Variants in GIGYF1 observed in about 807,000 individuals in gnomAD.
The protein encoded by GIGYF1 is GRB10 interacting GYF protein 1.
In GIGYF1, 84 loss-of-function variants were observed where a neutral mutation model predicts 147.1. That is an observed-to-expected ratio of 0.57 (90% CI 0.48 to 0.68). The LOEUF (loss-of-function observed/expected upper bound fraction) is 0.68. GIGYF1 is among the 30% of genes least tolerant of loss of function. The pLI, the probability that GIGYF1 is intolerant of heterozygous loss-of-function variation, is 0.00. For synonymous variants in GIGYF1, 752 were observed against 589.5 expected (o/e 1.28, Z -3.99); for missense variants, 1,485 against 1,393.7 (o/e 1.07, Z -1.04).
intron 1 of GIGYF1, among the ~76,000 whole-genome samples, chr7:100,689,867 A>T (rs937080938): frequency 1.3e-5 from 2 of 152,196 alleles, no homozygotes; most frequent in African/African-American, 2.4e-5. Context: ...ACGCTAAGAG[A>T]AACACACCAG....
At position 100,681,657 on chromosome 7, in the gene GIGYF1, C is replaced by G. The variant is rs768819516; in HGVS notation, c.*62G>C. ...CTGCGGGGAGCCTGCAGGCTGGGAC[C>G]CTCGGTCCACGCCGCTGTGGCTGCC... is the stretch of plus-strand genomic sequence containing the variant. On this transcript the variant is annotated 3_prime_UTR_variant, in exon 27 of 27. Coordinates refer to ENST00000678049, the MANE Select transcript of GIGYF1 (RefSeq NM_001375765.1). 1.4e-5 allele frequency: 20 copies of G among 1,475,046 alleles called. No homozygotes were observed. The highest frequency in any genetic ancestry group is 1.5e-5 in the Non-Finnish European group (17 of 1,103,232). The allele number at this position is 1,475,046 out of a possible 1,614,324, so 91.4% of individuals were successfully genotyped here.
chr7:100,687,922 C>T (rs748671035), intron 5 of GIGYF1, 39 bp from the exon 6 acceptor site: 1 of 1,612,548 alleles, frequency 6.2e-7, no homozygotes, highest in East Asian at 2.2e-5. Context: ...CCACATGCTG[C>T]CAGATCCCCT....
rs1297649964 is a variant in GIGYF1 at position 100,681,370 on chromosome 7, A to AC, written c.*348_*349insG. ...ATCTTTTTTTCTTAAAAAAAAAAAAAAAACCAAAAAACAAAAACCTCTGTG... is the reference window on the plus strand; with the variant it reads ...ATCTTTTTTTCTTAAAAAAAAAAAAACAAACCAAAAAACAAAAACCTCTGTG... On this transcript the variant is annotated 3_prime_UTR_variant, in exon 27 of 27. Transcript: ENST00000678049. 9 of 189,302 alleles carry AC rather than the reference A, an allele frequency of 4.8e-5. No individual in the cohort carries two copies. Among genetic ancestry groups the AC allele is most frequent in the South Asian group, 1.9e-4 (1 of 5,158 alleles). 11.7% of individuals were successfully genotyped at this position (189,302 alleles called of 1,614,324 possible).
rs773262640 is a variant in GIGYF1, at chr7:100,684,530, C to A, written c.1549G>T (p.Gly517Cys). 5 of 1,614,048 alleles carry A rather than the reference C, an allele frequency of 3.1e-6. No individual in the cohort carries two copies. The South Asian group carries it at 4.4e-5, about 14-fold the overall frequency. ...SLLVKRGCDE[G>C]FQPLGEVIKM... ...ATCACCTCGCCCAGCGGCTGGAAGC[C>A]CTCATCGCAGCCCCGCTTCACCAGC... Residue 517 changes from glycine to cysteine, a missense_variant, in exon 16 of 27, where the codon GGC becomes TGC. By Grantham distance (159) the Gly-to-Cys change is radical. Transcript: ENST00000678049.
In GIGYF1 at chr7:100,681,895, T is replaced by G; in HGVS notation, c.3024A>C (p.Ala1008=). 1 of 1,612,026 alleles carries G rather than the reference T, an allele frequency of 6.2e-7. No homozygotes were observed. The highest frequency in any genetic ancestry group is 1.1e-5 in the South Asian group (1 of 91,086). Residue 1008 remains alanine (A), a synonymous_variant, in exon 26 of 27, where the codon GCA becomes GCC. Transcript: ENST00000678049. ...PGEGSKAKRR[A]LMLHSDPSIL... is the part of the protein sequence containing the mutation. The stretch of plus-strand genomic sequence containing the variant: ...TGCTGGGGTCTGAGTGCAGCATCAG[T>G]GCCCGCCTCTTGGCCTTGCTGCCCT...
intron 19 of GIGYF1, 85 bp downstream of exon 19, chr7:100,683,733 G>C: frequency 6.5e-7 from 1 of 1,544,788 alleles, no homozygotes; most frequent in Non-Finnish European, 8.9e-7. Flanking sequence ...ATGGCAGCTA[G>C]GGGCGTGTGG....
At position 100,684,564 on chromosome 7, in the gene GIGYF1, G is replaced by A; in HGVS notation, c.1515C>T (p.Ser505=). 3.1e-6 allele frequency: 5 copies of A among 1,614,178 alleles called. No individual in the cohort carries two copies. Among genetic ancestry groups the A allele is most frequent in the Non-Finnish European group, 4.2e-6 (5 of 1,180,036 alleles). ...MAEWFQAGYF[S]MSLLVKRGCD... is the part of the protein sequence containing the mutation. The stretch of plus-strand genomic sequence containing the variant: ...AGCCCCGCTTCACCAGCAGTGACAT[G>A]GAAAAGTAGCCGGCCTGGAACCACT... The change falls in exon 16 of 27, where the codon TCC becomes TCT. Residue 505 remains serine (S), a synonymous_variant. Coordinates refer to ENST00000678049, the MANE Select transcript of GIGYF1 (RefSeq NM_001375765.1).
chr7:100,683,718 C>A (rs530540417), intron 19 of GIGYF1, 86 bp from the exon 20 acceptor site: 5 of 1,557,628 alleles, frequency 3.2e-6, no homozygotes, highest in Non-Finnish European at 4.4e-6. Context: ...GGCTCCCCAG[C>A]CAGAATGGCA....
Position 100,681,712 on chromosome 7 carries a change from G to C in GIGYF1, c.*7C>G. On this transcript the variant is annotated 3_prime_UTR_variant, in exon 27 of 27. Coordinates refer to ENST00000678049, the MANE Select transcript of GIGYF1 (RefSeq NM_001375765.1). ...CCTACAGCCCAGGGGCTGGGGGTCC[G>C]GGCTGGTCAGTAGTCATCCACGCTC... is the stretch of plus-strand genomic sequence containing the variant. The C allele has an allele frequency of 1.3e-6, 2 of 1,554,180 alleles. No individual in the cohort carries two copies. The highest frequency in any genetic ancestry group is 1.7e-6 in the Non-Finnish European group (2 of 1,150,256).
chr7:100,687,102 T>C (rs1805430839), intron 8 of GIGYF1, 56 bp from the exon 9 acceptor site: 10 of 1,607,138 alleles, frequency 6.2e-6, no homozygotes, highest in Non-Finnish European at 8.5e-6. Context: ...TGCCACCCTG[T>C]GCAACCGCCC....
rs560710580 is a variant in GIGYF1, at chr7:100,680,891, T to A, written c.*828A>T. On this transcript the variant is annotated 3_prime_UTR_variant, in exon 27 of 27. Transcript: ENST00000678049. ...GGCTTTCAGGTTCAAACCCAGGGTG[T>A]CCCCCAAAATGGCAGCAGTGGGAGA... 6.6e-6 allele frequency: 1 copy of A among 152,572 alleles called. No homozygotes were observed. The highest frequency in any genetic ancestry group is 2.4e-5 in the African/African-American group (1 of 41,456). The allele number at this position is 152,572 out of a possible 1,614,324, so 9.5% of individuals were successfully genotyped here. A position where few individuals can be genotyped will look rare whatever the true frequency, so the allele number is the denominator to read the frequency against.
At chr7:100,690,950 G>A (rs986319924) in intron 1 of GIGYF1, among the ~76,000 whole-genome samples, 2 of 151,910 alleles carry the variant, frequency 1.3e-5, no homozygotes, top group Non-Finnish European at 2.9e-5. Flanking sequence ...TGAGGACAGC[G>A]ACACCAAGAC....
chr7:100,684,923 C>T (rs1805169325), intron 14 of GIGYF1, 29 bp from the exon 15 acceptor site: 1 of 1,603,858 alleles, frequency 6.2e-7, no homozygotes, highest in African/African-American at 1.3e-5. Flanking sequence ...AAGAAAGGCT[C>T]AGCTGCCAAT....
Position 100,685,426 on chromosome 7 carries a change from G to T in GIGYF1, c.1110C>A (p.Ser370=). Reference sequence around the variant, plus strand: ...AGAGTGGGCCCAGGGTGGGCAGTGGGGATGGGGAGCTGGACTTCTCCTCCT... The same window carrying T: ...AGAGTGGGCCCAGGGTGGGCAGTGGTGATGGGGAGCTGGACTTCTCCTCCT... The part of the protein sequence containing the change: ...PPQEEKSSSP[S]PLPTLGPLWG... The change falls in exon 13 of 27, where the codon TCC becomes TCA. Residue 370 remains serine (S), a synonymous_variant. Transcript: ENST00000678049. 1 of 1,589,004 alleles carries T rather than the reference G, an allele frequency of 6.3e-7. No homozygotes were observed. Among genetic ancestry groups the T allele is most frequent in the Non-Finnish European group, 8.5e-7 (1 of 1,174,088 alleles).
Position 100,686,193 on chromosome 7 carries a change from A to G in GIGYF1, c.935T>C (p.Phe312Ser). 3.7e-6 allele frequency: 6 copies of G among 1,609,614 alleles called. No homozygotes were observed. Among genetic ancestry groups the G allele is most frequent in the Non-Finnish European group, 4.2e-6 (5 of 1,177,552 alleles). ...CCTCACAGATACCTTGAGAGGCAAG[A>G]AGGCCCCAGAGGCATCAAAGGTGCC... ...EMGTFDASGA[F>S]LPLKKGPKEP... Residue 312 changes from phenylalanine to serine, a missense_variant, in exon 11 of 27, where the codon TTC (phenylalanine) becomes TCC (serine). Physicochemically the swap from Phe to Ser is radical, Grantham distance 155. Transcript: ENST00000678049.
rs1805587240 is a variant in GIGYF1 at position 100,688,496 on chromosome 7, G to T, written c.-115C>A. On this transcript the variant is annotated 5_prime_UTR_variant, in exon 3 of 27. Transcript: ENST00000678049. ...CTCACACCATGAGTTACCCAGAGAT[G>T]AGTCCAGACGGTGAAAGACCTGGGG... is the stretch of plus-strand genomic sequence containing the variant. The T allele has an allele frequency of 1.5e-6, 1 of 685,366 alleles. No individual in the cohort carries two copies. Among genetic ancestry groups the T allele is most frequent in the Non-Finnish European group, 2.7e-6 (1 of 374,244 alleles). The allele number at this position is 685,366 out of a possible 1,614,324, so 42.5% of individuals were successfully genotyped here.
At chr7:100,684,994 A>G (rs1231821586) in intron 14 of GIGYF1, 55 bp downstream of exon 14, 6 of 1,559,474 alleles carry the variant, frequency 3.8e-6, no homozygotes, top group African/African-American at 2.7e-5. Flanking sequence ...GCTGGGGCCA[A>G]GCAGGTCAGG....
chr7:100,682,031 C>A (rs750066570), intron 25 of GIGYF1, 38 bp from the exon 26 acceptor site: 5 of 1,610,584 alleles, frequency 3.1e-6, no homozygotes, highest in Non-Finnish European at 4.2e-6. Flanking sequence ...TCAGGAGGCA[C>A]CAGGCAAGCC....
chr7:100,686,813 C>G lies in GIGYF1; in HGVS notation c.530G>C (p.Cys177Ser). ...EKSARRDGARCGFEEGGAGPR... is the reference protein window; with the variant it reads ...EKSARRDGARSGFEEGGAGPR... ...GCCAGCCCCTCCCTCCTCAAAGCCACATCGTGCTGGGAGACGGGAAGACAG... is the reference window on the plus strand; with the variant it reads ...GCCAGCCCCTCCCTCCTCAAAGCCAGATCGTGCTGGGAGACGGGAAGACAG... Residue 177 changes from cysteine (C) to serine (S), a missense_variant, in exon 10 of 27, where the codon TGT (cysteine) becomes TCT (serine). Cys to Ser is a moderately radical substitution (Grantham distance 112). Coordinates refer to ENST00000678049, the MANE Select transcript of GIGYF1 (RefSeq NM_001375765.1). The G allele has an allele frequency of 6.2e-7, 1 of 1,613,908 alleles. No homozygotes were observed. Among genetic ancestry groups the G allele is most frequent in the Non-Finnish European group, 8.5e-7 (1 of 1,179,930 alleles).
Sources: gnomAD v4.1 joint callset for allele counts (sites outside exome capture counted in the v4.1 genomes callset) on GRCh38, gnomAD v4.1.1 for gene constraint, MANE v1.5 for transcripts, NCBI Gene and HGNC (gene_info 2026-07-23, HGNC 2026-07-21) for gene names.